EML5: variants seen among roughly 807,000 people sequenced by gnomAD.
EML5 encodes the protein echinoderm microtubule-associated protein-like 5.
A neutral mutation model predicts 250.0 loss-of-function variants in EML5; 120 were observed. The observed-to-expected ratio is 0.48, with a 90% CI of 0.41 to 0.56. The LOEUF (loss-of-function observed/expected upper bound fraction) is 0.56, where lower values mean the gene tolerates loss of function less well. EML5 is among the 20% of genes least tolerant of loss of function. The probability of loss-of-function intolerance (pLI) is 0.00; values close to 1 mark genes in which losing one functional copy is unlikely to be tolerated. For missense variants in EML5, 2,006 were observed against 2,437.6 expected, an observed-to-expected ratio of 0.82 and a Z score of 3.73; for synonymous variants, 771 against 806.5, an observed-to-expected ratio of 0.96 and a Z score of 0.75.
At chr14:88,685,926 C>T (rs2092822201) in intron 19 of EML5, among the ~76,000 whole-genome samples, 1 of 151,948 alleles carries the variant, frequency 6.6e-6, no homozygotes, top group Non-Finnish European at 1.5e-5. Context: ...ATATGGAACC[C>T]ACAGATACAG....
chr14:88,692,186 G>A (rs976054491), intron 17 of EML5, among the ~76,000 whole-genome samples: 14 of 152,250 alleles, frequency 9.2e-5, no homozygotes, highest in African/African-American at 2.9e-4. Context: ...GACCAGCCTG[G>A]CCAACATGGT....
intron 21 of EML5, among the ~76,000 whole-genome samples, chr14:88,677,512 G>A (rs2092622438): frequency 6.6e-6 from 1 of 152,172 alleles, no homozygotes; most frequent in African/African-American, 2.4e-5. Context: ...AGAATGATCA[G>A]GCAACCTACA....
chr14:88,702,403 A>G (rs1224006847), intron 14 of EML5, 43 bp downstream of exon 14: 1 of 1,471,600 alleles, frequency 6.8e-7, no homozygotes, highest in African/African-American at 1.4e-5. Context: ...AACTCAAACA[A>G]AGGTGTAGCT....
chr14:88,638,715 A>G, intron 32 of EML5, 94 bp downstream of exon 32: 1 of 1,054,122 alleles, frequency 9.5e-7, no homozygotes, highest in Non-Finnish European at 1.4e-6. Context: ...ACAATCGATA[A>G]ATCAATAAAA....
rs1228728788 is a variant in EML5 at position 88,618,480 on chromosome 14, A to G, written c.5539-149T>C. On this transcript the variant is annotated intron_variant, in intron 40 of 43. Coordinates refer to ENST00000554922, the MANE Select transcript of EML5 (RefSeq NM_183387.3). ...AAGATCACTACAAAAACTTAATAGG[A>G]GAAAAGCTCTGATAAGTGGGGGAGG... 7.4e-6 allele frequency: 8 copies of G among 1,082,160 alleles called. No homozygotes were observed. In the Admixed American group the frequency reaches 7.4e-5, roughly 10 times the overall value. The allele number at this position is 1,082,160 out of a possible 1,614,324, so 67.0% of individuals were successfully genotyped here.
chr14:88,743,887 G>A lies in EML5; in HGVS notation c.525+136C>T, dbSNP rs565562823. ...TATATATTTGTTTGACTGAACATAA[G>A]AACAATAAAAACATTGCCATTTTAA... is the stretch of plus-strand genomic sequence containing the variant. On this transcript the variant is annotated intron_variant, in intron 4 of 43. Coordinates refer to ENST00000554922, the MANE Select transcript of EML5 (RefSeq NM_183387.3). The A allele has an allele frequency of 2.1e-4, 100 of 470,256 alleles. 2 individuals are homozygous for A. In the East Asian group the frequency reaches 2.2e-3, roughly 10 times the overall value. The allele number at this position is 470,256 out of a possible 1,614,324, so 29.1% of individuals were successfully genotyped here.
chr14:88,653,169 T>A (rs2091713420), intron 27 of EML5, among the ~76,000 whole-genome samples: 1 of 152,214 alleles, frequency 6.6e-6, no homozygotes, highest in Non-Finnish European at 1.5e-5. Flanking sequence ...TTGCTGAACT[T>A]GCTTATCAGC....
At chr14:88,624,784 G>A (rs1025386604) in intron 36 of EML5, 186 bp downstream of exon 36, 7 of 655,068 alleles carry the variant, frequency 1.1e-5, no homozygotes, top group African/African-American at 3.7e-5. Flanking sequence ...AAAAAAATTG[G>A]AAGTGAATTA....
At position 88,754,729 on chromosome 14, in the gene EML5, T is replaced by C. The variant is rs1315377236; in HGVS notation, c.198-58A>G. On this transcript the variant is annotated intron_variant, in intron 1 of 43. Coordinates refer to ENST00000554922, the MANE Select transcript of EML5 (RefSeq NM_183387.3). ...TTAAAAATTGCTTATACAGATTTTA[T>C]AGTATTTGGTAGATGTAAAACACAT... is the stretch of plus-strand genomic sequence containing the variant. The C allele has an allele frequency of 3.6e-6, 5 of 1,381,598 alleles. No individual in the cohort carries two copies. In the African/African-American group the frequency reaches 4.4e-5, roughly 12 times the overall value. The allele number at this position is 1,381,598 out of a possible 1,614,324, so 85.6% of individuals were successfully genotyped here.
intron 1 of EML5, among the ~76,000 whole-genome samples, chr14:88,762,257 T>C (rs1208026027): frequency 6.6e-6 from 1 of 152,146 alleles, no homozygotes; most frequent in South Asian, 2.1e-4. Flanking sequence ...ACACCTGTAA[T>C]CCCAGCACTT....
chr14:88,707,826 A>G (rs895899233), intron 10 of EML5, among the ~76,000 whole-genome samples: 1 of 152,182 alleles, frequency 6.6e-6, no homozygotes, highest in African/African-American at 2.4e-5. Flanking sequence ...GGGCTCTTAT[A>G]TAGGAATGCA....
chr14:88,645,766 T>C (rs1243082360), intron 29 of EML5, among the ~76,000 whole-genome samples: 1 of 152,170 alleles, frequency 6.6e-6, no homozygotes, highest in Non-Finnish European at 1.5e-5. Context: ...TATTATTGCT[T>C]CCAACTCTTT....
At chr14:88,729,870 GT>G (rs71130010) in intron 7 of EML5, among the ~76,000 whole-genome samples, 25 of 101,080 alleles carry the variant, frequency 2.5e-4, no homozygotes, top group Non-Finnish European at 2.0e-4. Context: ...CTTGTTTTTT[GT>G]TTTTTTTTTT....
intron 27 of EML5, among the ~76,000 whole-genome samples, chr14:88,653,639 A>G (rs1309232239): frequency 6.6e-6 from 1 of 152,186 alleles, no homozygotes; most frequent in Non-Finnish European, 1.5e-5. Context: ...CATCCCAGGG[A>G]TGAAGCCGAC....
intron 33 of EML5, among the ~76,000 whole-genome samples, chr14:88,630,203 T>A (rs942335681): frequency 6.6e-6 from 1 of 151,784 alleles, no homozygotes. Context: ...GCTAATTCTG[T>A]ATTTTTAGTA....
chr14:88,633,354 G>A (rs751122996), intron 33 of EML5, among the ~76,000 whole-genome samples: 5 of 150,844 alleles, frequency 3.3e-5, no homozygotes, highest in Admixed American at 6.6e-5. Context: ...TCCTGGCCTC[G>A]GAACTCCTGT....
intron 1 of EML5, among the ~76,000 whole-genome samples, chr14:88,769,039 A>C (rs2094357222): frequency 6.6e-6 from 1 of 152,248 alleles, no homozygotes; most frequent in African/African-American, 2.4e-5. Context: ...TCTTAAATGC[A>C]TAGAGGTCTG....
At chr14:88,627,459 G>A (rs548733424) in intron 34 of EML5, 187 bp downstream of exon 34, 4 of 546,036 alleles carry the variant, frequency 7.3e-6, no homozygotes, top group Non-Finnish European at 1.3e-5. Context: ...TCTGTTTTGT[G>A]AGGTTACAGT....
chr14:88,729,528 T>G (rs2093719300), intron 7 of EML5, among the ~76,000 whole-genome samples: 1 of 152,174 alleles, frequency 6.6e-6, no homozygotes, highest in African/African-American at 2.4e-5. Flanking sequence ...TAAATAAAGT[T>G]TTATGGAAGT....
Sources: allele counts gnomAD v4.1 joint callset (sites outside exome capture counted in the v4.1 genomes callset), GRCh38; gene constraint gnomAD v4.1.1; transcripts MANE v1.5; gene names NCBI Gene and HGNC (gene_info 2026-07-23, HGNC 2026-07-21).